Variants in RPAP3 observed in about 807,000 individuals in gnomAD.
RPAP3 encodes RNA polymerase II associated protein 3.
RPAP3 carries 58 observed loss-of-function variants against 88.8 expected under a neutral mutation model. The ratio of observed to expected loss-of-function variants is 0.65; its 90% CI spans 0.53 to 0.81. RPAP3 has a LOEUF of 0.81. Ranked by LOEUF, RPAP3 falls within the 40% of genes least tolerant of loss-of-function variation. The pLI, the probability that RPAP3 is intolerant of heterozygous loss-of-function variation, is 0.00. For missense variants in RPAP3, 751 were observed against 764.3 expected (o/e 0.98, Z 0.20); for synonymous variants, 255 against 259.9 (o/e 0.98, Z 0.18).
chr12:47,692,744 C>A lies in RPAP3; in HGVS notation c.546-2105G>T, dbSNP rs557816179. Among the ~76,000 whole-genome samples the A allele has an allele frequency of 2.0e-5, 3 of 152,360 alleles. 1 individual carries two copies. In the South Asian group the frequency reaches 6.2e-4, roughly 32 times the overall value. ...CATCTTGGCTAACTGGCACAAGAGG[C>A]CTAGCTTTCAGTCAGTCTTGGCTTT... On this transcript the variant is annotated intron_variant, in intron 5 of 16. Transcript: ENST00000005386.
chr12:47,680,878 A>C (rs1446342336), intron 10 of RPAP3, among the ~76,000 whole-genome samples: 1 of 151,132 alleles, frequency 6.6e-6, no homozygotes, highest in Non-Finnish European at 1.5e-5. Context: ...GAAATTCTTC[A>C]GTTTGTAGGA....
chr12:47,673,444 CAAAAAAAAA>C (rs35080899), intron 12 of RPAP3, among the ~76,000 whole-genome samples: 1 of 60,766 alleles, frequency 1.6e-5, no homozygotes, highest in Non-Finnish European at 3.7e-5. Flanking sequence ...AACTCCGTCT[CAAAAAAAAA>C]AAAAAAAAAA....
intron 9 of RPAP3, among the ~76,000 whole-genome samples, chr12:47,682,035 A>G (rs1939232442): frequency 6.6e-6 from 1 of 152,174 alleles, no homozygotes; most frequent in African/African-American, 2.4e-5. Context: ...AGGGAATGTT[A>G]GGAGAGTCTG....
chr12:47,690,753 G>T, intron 5 of RPAP3, 114 bp from the exon 6 acceptor site: 2 of 645,216 alleles, frequency 3.1e-6, no homozygotes, highest in Non-Finnish European at 2.4e-6. Flanking sequence ...CCCACTGAAG[G>T]CATTTTTCCC....
intron 5 of RPAP3, 86 bp downstream of exon 5, chr12:47,696,190 C>T: frequency 8.6e-7 from 1 of 1,156,412 alleles, no homozygotes; most frequent in Non-Finnish European, 1.2e-6. Flanking sequence ...AATCTGTCCT[C>T]CACACTTTAT....
intron 14 of RPAP3, among the ~76,000 whole-genome samples, chr12:47,668,560 T>C (rs577395362): frequency 1.3e-5 from 2 of 152,338 alleles, no homozygotes; most frequent in African/African-American, 4.8e-5. Context: ...TGATTCTTTT[T>C]CTTAAAGCAA....
intron 5 of RPAP3, among the ~76,000 whole-genome samples, chr12:47,690,986 A>C (rs1370845452): frequency 1.3e-5 from 2 of 152,232 alleles, no homozygotes; most frequent in Non-Finnish European, 2.9e-5. Flanking sequence ...TTAATTAAAA[A>C]ACTTTATTGC....
intron 10 of RPAP3, among the ~76,000 whole-genome samples, 167 bp downstream of exon 10, chr12:47,681,529 T>C (rs770467824): frequency 6.6e-6 from 1 of 152,254 alleles, no homozygotes; most frequent in Non-Finnish European, 1.5e-5. Context: ...TCTGGTACAT[T>C]GCGGAAGCTG....
At chr12:47,668,446 G>GT (rs1280390007) in intron 14 of RPAP3, among the ~76,000 whole-genome samples, 1 of 152,062 alleles carries the variant, frequency 6.6e-6, no homozygotes, top group Non-Finnish European at 1.5e-5. Flanking sequence ...ATGAGAAAAC[G>GT]TATTTGGAAG....
chr12:47,693,586 T>A (rs559629562), intron 5 of RPAP3, among the ~76,000 whole-genome samples: 1 of 152,212 alleles, frequency 6.6e-6, no homozygotes, highest in Non-Finnish European at 1.5e-5. Flanking sequence ...AAACAAGGTA[T>A]GCCTATAATT....
intron 13 of RPAP3, 104 bp from the exon 14 acceptor site, chr12:47,669,206 T>C (rs1396162454): frequency 1.5e-6 from 1 of 680,818 alleles, no homozygotes; most frequent in East Asian, 2.8e-5. Flanking sequence ...ATTAATATTG[T>C]ATTATCTATT....
intron 12 of RPAP3, 84 bp downstream of exon 12, chr12:47,679,409 G>T (rs1419358114): frequency 6.0e-6 from 5 of 830,422 alleles, no homozygotes; most frequent in Middle Eastern, 2.3e-4. Context: ...AAAAAAAAAA[G>T]TTTATTAATA....
Position 47,670,213 on chromosome 12 carries a change from T to G in RPAP3, c.1420A>C (p.Thr474Pro), listed in dbSNP as rs1938967362. 2 of 1,613,842 alleles carry G rather than the reference T, an allele frequency of 1.2e-6. No individual in the cohort carries two copies. Among genetic ancestry groups the G allele is most frequent in the Non-Finnish European group, 1.7e-6 (2 of 1,179,860 alleles). Residue 474 changes from threonine (T) to proline (P), a missense_variant, in exon 13 of 17, where the codon ACC becomes CCC. Coordinates refer to ENST00000005386, the MANE Select transcript of RPAP3 (RefSeq NM_024604.3). ...NLANVIAATG[T>P]TSKKNSSQDD... ...TGGCTTGAATTCTTCTTACTTGTGG[T>G]GCCTGTGGCTGCTATTACATTTGCT...
intron 15 of RPAP3, 152 bp downstream of exon 15, chr12:47,667,602 T>C (rs748683901): frequency 1.9e-6 from 1 of 538,378 alleles, no homozygotes; most frequent in Non-Finnish European, 3.3e-6. Flanking sequence ...CGGCATACTG[T>C]ATAAACAAAC....
At chr12:47,690,051 A>C (rs1347841110) in intron 6 of RPAP3, among the ~76,000 whole-genome samples, 1 of 151,420 alleles carries the variant, frequency 6.6e-6, no homozygotes, top group East Asian at 1.9e-4. Context: ...CAAAAAAAAA[A>C]AAAAGAAAAA....
intron 12 of RPAP3, among the ~76,000 whole-genome samples, chr12:47,678,029 T>C (rs1338894870): frequency 6.6e-6 from 1 of 152,178 alleles, no homozygotes; most frequent in Non-Finnish European, 1.5e-5. Context: ...CGAAACAGCA[T>C]GGTACTGGTA....
intron 1 of RPAP3, among the ~76,000 whole-genome samples, chr12:47,705,138 G>A (rs1428784819): frequency 6.6e-6 from 1 of 152,156 alleles, no homozygotes; most frequent in Non-Finnish European, 1.5e-5. Flanking sequence ...GATGAGTGAT[G>A]GGGCAAAATC....
chr12:47,685,491 T>A (rs192456631), intron 9 of RPAP3, among the ~76,000 whole-genome samples: 2 of 152,326 alleles, frequency 1.3e-5, no homozygotes, highest in Non-Finnish European at 1.5e-5. Flanking sequence ...TTTAACCTGT[T>A]GCTTATTTGC....
chr12:47,668,597 T>C (rs537052367), intron 14 of RPAP3, among the ~76,000 whole-genome samples: 17 of 152,312 alleles, frequency 1.1e-4, no homozygotes, highest in African/African-American at 4.1e-4. Context: ...TGCCTACATA[T>C]TGCAAGCACT....
Sources: allele counts gnomAD v4.1 joint callset (sites outside exome capture counted in the v4.1 genomes callset), GRCh38; gene constraint gnomAD v4.1.1; transcripts MANE v1.5; gene names NCBI Gene and HGNC (gene_info 2026-07-23, HGNC 2026-07-21).